Variants in STPG2 observed in about 807,000 individuals in gnomAD.
STPG2 encodes the protein sperm-tail PG-rich repeat-containing protein 2.
A neutral mutation model predicts 54.2 loss-of-function variants in STPG2; 56 were observed. The ratio of observed to expected loss-of-function variants is 1.03; its 90% CI spans 0.83 to 1.29. STPG2 has a LOEUF of 1.29. Among genes scored for constraint, STPG2 ranks in the 50% most tolerant of loss-of-function variants. STPG2 has a pLI of 0.00. For missense variants in STPG2, 596 were observed against 544.9 expected (o/e 1.09, Z -0.93); for synonymous variants, 200 against 181.8 (o/e 1.10, Z -0.81).
At chr4:98,102,094 T>A (rs902092148) in intron 5 of STPG2, among the ~76,000 whole-genome samples, 1 of 152,224 alleles carries the variant, frequency 6.6e-6, no homozygotes, top group Non-Finnish European at 1.5e-5. Flanking sequence ...ATTTTATTTA[T>A]CTTATTTGTC....
At chr4:98,100,673 T>C (rs10021982) in intron 5 of STPG2, among the ~76,000 whole-genome samples, 1 of 140,646 alleles carries the variant, frequency 7.1e-6, no homozygotes, top group Admixed American at 7.2e-5. Flanking sequence ...TTTTTTTTTT[T>C]TTTTTTTTTT....
intron 7 of STPG2, among the ~76,000 whole-genome samples, chr4:97,957,686 A>G (rs1026895642): frequency 6.6e-6 from 1 of 152,178 alleles, no homozygotes; most frequent in Non-Finnish European, 1.5e-5. Context: ...CAGGTAACCT[A>G]TAAAGGAAAA....
At chr4:97,709,493 C>T (rs1578497890) in intron 10 of STPG2, among the ~76,000 whole-genome samples, 3 of 99,238 alleles carry the variant, frequency 3.0e-5, no homozygotes, top group South Asian at 7.7e-4. Flanking sequence ...AAATTATACT[C>T]ATAAAATGAA....
At chr4:97,475,416 T>C (rs1730045805) in intron 4 of STPG2, among the ~76,000 whole-genome samples, 1 of 150,674 alleles carries the variant, frequency 6.6e-6, no homozygotes, top group Non-Finnish European at 1.5e-5. Context: ...GTATAATGTA[T>C]ACAATGTTTA....
chr4:97,911,199 C>A (rs1423297720), intron 8 of STPG2, among the ~76,000 whole-genome samples: 1 of 152,246 alleles, frequency 6.6e-6, no homozygotes, highest in Non-Finnish European at 1.5e-5. Flanking sequence ...GTGAAAAGCA[C>A]AGAGCTGTGC....
At chr4:97,766,919 T>C (rs934747619) in intron 9 of STPG2, among the ~76,000 whole-genome samples, 3 of 151,968 alleles carry the variant, frequency 2.0e-5, no homozygotes, top group African/African-American at 7.2e-5. Context: ...GCAGGTAGTG[T>C]ACAACCACTA....
chr4:97,450,948 A>AT (rs1729350938), intron 4 of STPG2, among the ~76,000 whole-genome samples: 1 of 152,142 alleles, frequency 6.6e-6, no homozygotes, highest in South Asian at 2.1e-4. Flanking sequence ...ATTTACATAT[A>AT]TTTTTAAATA....
At chr4:97,504,817 T>C (rs1256310350) in intron 4 of STPG2, among the ~76,000 whole-genome samples, 1 of 151,960 alleles carries the variant, frequency 6.6e-6, no homozygotes. Flanking sequence ...TACCAGAATG[T>C]CAAAAGAAAA....
intron 4 of STPG2, among the ~76,000 whole-genome samples, chr4:97,483,123 C>A (rs926998135): frequency 1.3e-5 from 2 of 151,580 alleles, no homozygotes; most frequent in African/African-American, 4.8e-5. Flanking sequence ...ATAAATCAGA[C>A]AGGACCTATA....
chr4:97,470,910 C>T (rs1729908834), intron 4 of STPG2, among the ~76,000 whole-genome samples: 2 of 152,238 alleles, frequency 1.3e-5, no homozygotes, highest in Middle Eastern at 3.4e-3. Context: ...TATTGACTTT[C>T]TGATGATATG....
intron 8 of STPG2, among the ~76,000 whole-genome samples, chr4:97,849,997 G>A (rs370697973): frequency 0.033 from 4,938 of 151,524 alleles, 185 homozygotes; most frequent in African/African-American, 0.089. Flanking sequence ...CATTATTCAC[G>A]ATAGCAAAGA....
In STPG2 at chr4:97,494,498, C is replaced by G. The variant is rs79295256; in HGVS notation, c.462+218201G>C. 6.9e-4 allele frequency among the ~76,000 whole-genome samples: 104 copies of G among 151,598 alleles called. 9 individuals carry two copies. The East Asian group carries it at 0.02, about 29-fold the overall frequency. On this transcript the variant is annotated intron_variant, in intron 4 of 4. Coordinates refer to the STPG2 transcript ENST00000522676. The stretch of plus-strand genomic sequence containing the variant: ...TCTGCTCTCTTTTACTTATATGTAT[C>G]TAGAAGTCATCTTGTCTTTGTCTCC...
rs368540724 is a variant in STPG2 at position 97,811,701 on chromosome 4, T to C, written c.1204+29072A>G. Among the ~76,000 whole-genome samples the C allele has an allele frequency of 2.6e-5, 4 of 152,270 alleles. 1 individual carries two copies. Among genetic ancestry groups the C allele is most frequent in the Non-Finnish European group, 1.5e-5 (1 of 67,982 alleles). On this transcript the variant is annotated intron_variant, in intron 9 of 10. Coordinates refer to ENST00000295268, the MANE Select transcript of STPG2 (RefSeq NM_174952.3). Reference sequence around the variant, plus strand: ...TAATAAAGTATATCTGTTAAGTAACTAATTGAAATAGGCTTGGTTTTAAGA... The same window carrying C: ...TAATAAAGTATATCTGTTAAGTAACCAATTGAAATAGGCTTGGTTTTAAGA...
intron 9 of STPG2, among the ~76,000 whole-genome samples, chr4:97,749,672 G>A (rs1002622064): frequency 3.3e-5 from 5 of 151,700 alleles, no homozygotes; most frequent in Admixed American, 2.6e-4. Flanking sequence ...ATTAATAAGT[G>A]CCCCATTTCA....
Position 97,579,919 on chromosome 4 carries a change from G to C in STPG2, c.1321-20802C>G, listed in dbSNP as rs1732821791. Among the ~76,000 whole-genome samples the C allele has an allele frequency of 1.3e-5, 2 of 152,084 alleles. 1 individual carries two copies. On this transcript the variant is annotated intron_variant, in intron 10 of 10. Coordinates refer to ENST00000295268, the MANE Select transcript of STPG2 (RefSeq NM_174952.3). ...ATACATATAGCCATCAAAATTAAGT[G>C]TTATATATCAACACTTTATTTATCT...
At chr4:97,974,289 C>G (rs1734433028) in intron 6 of STPG2, among the ~76,000 whole-genome samples, 1 of 152,156 alleles carries the variant, frequency 6.6e-6, no homozygotes, top group South Asian at 2.1e-4. Flanking sequence ...CCCATTGTAT[C>G]TAGGAAGTAA....
chr4:98,086,454 T>C (rs533881521), intron 5 of STPG2, among the ~76,000 whole-genome samples: 28 of 152,102 alleles, frequency 1.8e-4, no homozygotes, highest in African/African-American at 6.5e-4. Flanking sequence ...TATATAAATG[T>C]ACATATAATA....
At chr4:98,061,203 T>A (rs932881683) in intron 5 of STPG2, among the ~76,000 whole-genome samples, 2 of 151,832 alleles carry the variant, frequency 1.3e-5, no homozygotes, top group Non-Finnish European at 3.0e-5. Flanking sequence ...TCTATAAGGA[T>A]GCTGTATTAG....
chr4:97,547,906 T>C (rs1731875104), intron 4 of STPG2, among the ~76,000 whole-genome samples: 1 of 151,936 alleles, frequency 6.6e-6, no homozygotes, highest in Non-Finnish European at 1.5e-5. Context: ...ATCCCAGCAC[T>C]TCGGGAGGCT....
Sources: gnomAD v4.1 joint callset for allele counts (sites outside exome capture counted in the v4.1 genomes callset) on GRCh38, gnomAD v4.1.1 for gene constraint, MANE v1.5 for transcripts, NCBI Gene and HGNC (gene_info 2026-07-23, HGNC 2026-07-21) for gene names.